The following TTC7B variants were observed in gnomAD, a reference collection of about 807,000 sequenced individuals.
TTC7B encodes tetratricopeptide repeat protein 7B.
TTC7B carries 28 observed loss-of-function variants against 106.8 expected under a neutral mutation model. The ratio of observed to expected loss-of-function variants is 0.26; its 90% CI spans 0.19 to 0.36. The LOEUF is 0.36. Ranked by LOEUF, TTC7B falls within the 10% of genes least tolerant of loss-of-function variation. The pLI is 1.00. For synonymous variants in TTC7B, 405 were observed against 430.6 expected, an observed-to-expected ratio of 0.94 and a Z score of 0.74; for missense variants, 862 against 1,076.4, an observed-to-expected ratio of 0.80 and a Z score of 2.79.
chr14:90,674,100 TA>T (rs910640297), intron 9 of TTC7B, among the ~76,000 whole-genome samples: 9 of 149,120 alleles, frequency 6.0e-5, no homozygotes, highest in East Asian at 5.9e-4. Flanking sequence ...GTACTTCAAT[TA>T]AAAAAAAAAT....
intron 1 of TTC7B, among the ~76,000 whole-genome samples, chr14:90,811,242 G>A (rs943680818): frequency 5.9e-5 from 9 of 152,260 alleles, no homozygotes; most frequent in Non-Finnish European, 1.2e-4. Context: ...GTGTTTGAAA[G>A]CAGGAAGACT....
intron 3 of TTC7B, among the ~76,000 whole-genome samples, chr14:90,777,982 CAGAG>C (rs1891088028): frequency 1.3e-5 from 2 of 152,152 alleles, no homozygotes; most frequent in African/African-American, 4.8e-5. Flanking sequence ...GAAACAGGGG[CAGAG>C]AGAGGCTAAG....
intron 5 of TTC7B, among the ~76,000 whole-genome samples, chr14:90,726,186 A>G (rs1184540959): frequency 6.6e-6 from 1 of 152,212 alleles, no homozygotes; most frequent in Non-Finnish European, 1.5e-5. Context: ...TGACTCAAGT[A>G]GGGAGTAACA....
chr14:90,711,255 A>G (rs1253114689), intron 5 of TTC7B, among the ~76,000 whole-genome samples: 1 of 152,254 alleles, frequency 6.6e-6, no homozygotes, highest in African/African-American at 2.4e-5. Context: ...TTAAAAAATA[A>G]CATTGTGTAA....
At chr14:90,626,567 T>C (rs948775781) in intron 15 of TTC7B, among the ~76,000 whole-genome samples, 5 of 152,170 alleles carry the variant, frequency 3.3e-5, no homozygotes, top group African/African-American at 9.7e-5. Context: ...CCCTCTCCCA[T>C]TGTGGGTTCC....
chr14:90,749,422 TGAGACAGAG>T (rs1890070016), intron 3 of TTC7B, among the ~76,000 whole-genome samples: 1 of 99,900 alleles, frequency 1.0e-5, no homozygotes. Flanking sequence ...TTTTTTTTTT[TGAGACAGAG>T]TTTCGCTCTT....
At chr14:90,800,743 G>A (rs1022319326) in intron 1 of TTC7B, among the ~76,000 whole-genome samples, 7 of 151,504 alleles carry the variant, frequency 4.6e-5, no homozygotes, top group African/African-American at 1.5e-4. Flanking sequence ...CCTGGGAGGC[G>A]GAGCTTGCAG....
intron 19 of TTC7B, among the ~76,000 whole-genome samples, chr14:90,554,459 A>C (rs1406419838): frequency 6.6e-6 from 1 of 152,218 alleles, no homozygotes; most frequent in Non-Finnish European, 1.5e-5. Context: ...CTCTGCTCCA[A>C]CCAAAGCCAT....
intron 19 of TTC7B, among the ~76,000 whole-genome samples, chr14:90,552,022 A>C (rs1229062619): frequency 6.6e-6 from 1 of 152,234 alleles, no homozygotes; most frequent in Non-Finnish European, 1.5e-5. Context: ...AGTGCTTAGA[A>C]ATGGCACCAG....
intron 6 of TTC7B, among the ~76,000 whole-genome samples, chr14:90,691,209 A>G (rs1595286101): frequency 6.6e-6 from 1 of 152,302 alleles, no homozygotes; most frequent in East Asian, 1.9e-4. Context: ...GAGGAATTTC[A>G]TTTTCTGAAT....
chr14:90,581,179 C>T (rs991893630), intron 18 of TTC7B, among the ~76,000 whole-genome samples: 11 of 152,184 alleles, frequency 7.2e-5, no homozygotes, highest in Admixed American at 2.0e-4. Context: ...GAGGGGCATA[C>T]TGGGTGACTC....
chr14:90,765,102 G>A (rs771606417), intron 3 of TTC7B, among the ~76,000 whole-genome samples: 1 of 152,120 alleles, frequency 6.6e-6, no homozygotes, highest in African/African-American at 2.4e-5. Context: ...ATGCAAAATG[G>A]TATATCCATA....
intron 9 of TTC7B, among the ~76,000 whole-genome samples, chr14:90,667,868 G>T (rs1886472432): frequency 6.6e-6 from 1 of 152,162 alleles, no homozygotes; most frequent in Admixed American, 6.5e-5. Flanking sequence ...AAAAGAGGCA[G>T]ATCTAGACAC....
At chr14:90,647,283 C>T in intron 13 of TTC7B, 1 of 433,366 alleles carries the variant, frequency 2.3e-6, no homozygotes, top group East Asian at 4.3e-5. Context: ...AGCTTGTCGG[C>T]TTTGCGGAGG....
intron 4 of TTC7B, among the ~76,000 whole-genome samples, chr14:90,736,442 G>A (rs1159277423): frequency 1.3e-5 from 2 of 151,890 alleles, no homozygotes; most frequent in Non-Finnish European, 2.9e-5. Flanking sequence ...CGTAGTGGTG[G>A]GCACCTGTAA....
At position 90,644,198 on chromosome 14, in the gene TTC7B, G is replaced by C; in HGVS notation, c.1601C>G (p.Ala534Gly). The change falls in exon 15 of 20, where the codon GCT (alanine) becomes GGT (glycine). Residue 534 changes from alanine to glycine, a missense_variant. By Grantham distance (60) the Ala-to-Gly change is moderately conservative. Transcript: ENST00000328459. ...QLAISRQIPE[A>G]LGYVRQALQL... is the part of the protein sequence containing the mutation. ...AAGAGCTTGGCGGACATACCCCAGA[G>C]CCTCTGGGATCTGGTTTAAAACAAA... 7 of 1,593,358 alleles carry C rather than the reference G, an allele frequency of 4.4e-6. No homozygotes were observed. Among genetic ancestry groups the C allele is most frequent in the Non-Finnish European group, 6.0e-6 (7 of 1,172,656 alleles).
Position 90,540,310 on chromosome 14 carries a change from C to T in TTC7B, c.*1058G>A, listed in dbSNP as rs1030426149. 9.9e-5 allele frequency: 15 copies of T among 152,238 alleles called. No individual in the cohort carries two copies. The highest frequency in any genetic ancestry group is 3.6e-4 in the African/African-American group (15 of 41,426). The allele number at this position is 152,238 out of a possible 1,614,324, so 9.4% of individuals were successfully genotyped here. ...GGGCATGCTAGTGTGCGCCTGTGAT[C>T]CCAGCTACTCAGGAGGCTGAGGTGG... On this transcript the variant is annotated 3_prime_UTR_variant, in exon 20 of 20. Coordinates refer to ENST00000328459, the MANE Select transcript of TTC7B (RefSeq NM_001010854.2).
chr14:90,526,150 G>C lies in TTC7B; in HGVS notation c.*15218C>G, dbSNP rs182004701. 6.6e-6 allele frequency: 1 copy of C among 152,052 alleles called. No individual in the cohort carries two copies. 9.4% of individuals were successfully genotyped at this position (152,052 alleles called of 1,614,324 possible). A position where few individuals can be genotyped will look rare whatever the true frequency, so the allele number is the denominator to read the frequency against. On this transcript the variant is annotated 3_prime_UTR_variant, in exon 20 of 20. Transcript: ENST00000328459. ...ACCATTTTACATTCCCTCCAACAAC[G>C]TATGAGGGTTCCAATTTCCCCACGT...
At chr14:90,580,300 T>C (rs1891435277) in intron 18 of TTC7B, among the ~76,000 whole-genome samples, 1 of 152,218 alleles carries the variant, frequency 6.6e-6, no homozygotes, top group Admixed American at 6.5e-5. Flanking sequence ...CCTAGAGGCC[T>C]TCTCAGTTCT....
Sources: gnomAD v4.1 joint callset for allele counts (sites outside exome capture counted in the v4.1 genomes callset) on GRCh38, gnomAD v4.1.1 for gene constraint, MANE v1.5 for transcripts, NCBI Gene and HGNC (gene_info 2026-07-23, HGNC 2026-07-21) for gene names.